Variants in RPS6KL1 observed in about 807,000 individuals in gnomAD.
RPS6KL1 encodes the protein ribosomal protein S6 kinase-like 1.
In RPS6KL1, 41 loss-of-function variants were observed where a neutral mutation model predicts 57.0. The observed-to-expected ratio is 0.72, with a 90% CI of 0.56 to 0.93. The LOEUF (loss-of-function observed/expected upper bound fraction) is 0.93, where lower values mean the gene tolerates loss of function less well. RPS6KL1 is among the 40% of genes least tolerant of loss of function. The pLI is 0.00. For synonymous variants in RPS6KL1, 287 were observed against 309.7 expected, an observed-to-expected ratio of 0.93 and a Z score of 0.77; for missense variants, 697 against 727.7, an observed-to-expected ratio of 0.96 and a Z score of 0.49.
At chr14:74,916,943 C>T (rs769881436) in intron 5 of RPS6KL1, among the ~76,000 whole-genome samples, 4 of 152,320 alleles carry the variant, frequency 2.6e-5, no homozygotes, top group South Asian at 4.1e-4. Flanking sequence ...GGGATCGTAC[C>T]GGGAGGCACG....
Position 74,905,766 on chromosome 14 carries a change from C to T in RPS6KL1, c.*1248G>A, listed in dbSNP as rs959355266. The T allele has an allele frequency of 3.9e-5, 6 of 152,272 alleles. No homozygotes were observed. The highest frequency in any genetic ancestry group is 1.9e-4 in the East Asian group (1 of 5,200). 9.4% of individuals were successfully genotyped at this position (152,272 alleles called of 1,614,324 possible). A position where few individuals can be genotyped will look rare whatever the true frequency, so the allele number is the denominator to read the frequency against. ...CTCTGTCTCAGTCTCCTGAAGAGCC[C>T]GAGGAAGTCAAGTCTCCCCACCATG... On this transcript the variant is annotated 3_prime_UTR_variant, in exon 12 of 12. Transcript: ENST00000557413.
rs60425478 is a variant in RPS6KL1 at position 74,919,827 on chromosome 14, T to TG, written c.390+17dup. 0.04 allele frequency: 59,829 copies of TG among 1,512,148 alleles called. 139 individuals carry two copies. Among genetic ancestry groups the TG allele is most frequent in the South Asian group, 0.063 (5,417 of 86,154 alleles). 93.7% of individuals were successfully genotyped at this position (1,512,148 alleles called of 1,614,324 possible). A position where few individuals can be genotyped will look rare whatever the true frequency, so the allele number is the denominator to read the frequency against. On this transcript the variant is annotated intron_variant, in intron 4 of 11. Coordinates refer to ENST00000557413, the MANE Select transcript of RPS6KL1 (RefSeq NM_031464.5). ...CCCTCCTCCCGCTCAGGCCTTTGGGTGGGGGGGGTCTCCTCACCGCGCTGG... is the reference window on the plus strand; with the variant it reads ...CCCTCCTCCCGCTCAGGCCTTTGGGTGGGGGGGGGTCTCCTCACCGCGCTGG...
chr14:74,919,980 C>A lies in RPS6KL1; in HGVS notation c.266-11G>T. ...CCTTGTTGGGGTCAACTGTGGGAGACAAGAGTCACCAGGGTCCCCAGCCAT... is the reference window on the plus strand; with the variant it reads ...CCTTGTTGGGGTCAACTGTGGGAGAAAAGAGTCACCAGGGTCCCCAGCCAT... On this transcript the variant is annotated splice_polypyrimidine_tract_variant and intron_variant, in intron 3 of 11. Transcript: ENST00000557413. The A allele has an allele frequency of 1.2e-6, 2 of 1,614,054 alleles. No individual in the cohort carries two copies. The highest frequency in any genetic ancestry group is 1.7e-6 in the Non-Finnish European group (2 of 1,179,984).
intron 3 of RPS6KL1, among the ~76,000 whole-genome samples, chr14:74,920,993 G>T (rs1386461057): frequency 6.6e-6 from 1 of 152,208 alleles, no homozygotes; most frequent in Non-Finnish European, 1.5e-5. Context: ...GTAAAAAATG[G>T]TTCCTGTGTG....
chr14:74,921,258 G>GCCCCCCCC lies in RPS6KL1; in HGVS notation c.265+18_265+19insGGGGGGGG. 1 of 766,362 alleles carries GCCCCCCCC rather than the reference G, an allele frequency of 1.3e-6. No individual in the cohort carries two copies. Among genetic ancestry groups the GCCCCCCCC allele is most frequent in the Non-Finnish European group, 2.2e-6 (1 of 460,312 alleles). The allele number at this position is 766,362 out of a possible 1,614,324, so 47.5% of individuals were successfully genotyped here. ...GCCCTTCCCCACCCACCCCAGCCCT[G>GCCCCCCCC]CCCAGCCCCGGTCCTCACCGTGTAT... On this transcript the variant is annotated intron_variant, in intron 3 of 11. Transcript: ENST00000557413.
intron 10 of RPS6KL1, among the ~76,000 whole-genome samples, chr14:74,908,641 A>T (rs2286911): frequency 0.18 from 27,829 of 151,818 alleles, 2,788 homozygotes; most frequent in South Asian, 0.3. Context: ...TGACCATCCC[A>T]CTCTACTCGT....
At chr14:74,912,264 T>C (rs1886133398) in intron 5 of RPS6KL1, among the ~76,000 whole-genome samples, 1 of 152,182 alleles carries the variant, frequency 6.6e-6, no homozygotes, top group Non-Finnish European at 1.5e-5. Context: ...GCTCACTGTG[T>C]GCGTGGTGGG....
In RPS6KL1 at chr14:74,919,910, G is replaced by A. The variant is rs768415312; in HGVS notation, c.325C>T (p.Arg109Trp). 5.6e-6 allele frequency: 9 copies of A among 1,613,960 alleles called. No homozygotes were observed. The highest frequency in any genetic ancestry group is 4.4e-5 in the South Asian group (4 of 91,082). Residue 109 changes from arginine (R) to tryptophan (W), a missense_variant, in exon 4 of 12, where the codon CGG (arginine) becomes TGG (tryptophan). Coordinates refer to ENST00000557413, the MANE Select transcript of RPS6KL1 (RefSeq NM_031464.5). Reference protein sequence around the residue: ...VKLKITKYLRRAEEIFNCHLQ... With the variant: ...VKLKITKYLRWAEEIFNCHLQ... The stretch of plus-strand genomic sequence containing the variant: ...TGGCAGTTGAAGATCTCCTCTGCCC[G>A]CCGCAGGTATTTGGTAATTTTCAGC...
rs561069480 is a variant in RPS6KL1, at chr14:74,920,872, G to C, written c.265+405C>G. Among the ~76,000 whole-genome samples the C allele has an allele frequency of 3.3e-5, 5 of 152,282 alleles. No individual in the cohort carries two copies. The South Asian group carries it at 8.3e-4, about 25-fold the overall frequency. On this transcript the variant is annotated intron_variant, in intron 3 of 11. Coordinates refer to ENST00000557413, the MANE Select transcript of RPS6KL1 (RefSeq NM_031464.5). Reference sequence around the variant, plus strand: ...GGAACAGTCAGGTGTAGTGGGCCAAGTACACAGCCTGTGAAGTGAAACCCC... The same window carrying C: ...GGAACAGTCAGGTGTAGTGGGCCAACTACACAGCCTGTGAAGTGAAACCCC...
Position 74,921,350 on chromosome 14 carries a change from A to G in RPS6KL1, c.192T>C (p.Asp64=), listed in dbSNP as rs780621898. The change falls in exon 3 of 12, where the codon GAT becomes GAC. Residue 64 remains aspartate (D), a synonymous_variant. Transcript: ENST00000557413. ...ATQIRLALER[D]VSEDYEAAFN... is the part of the protein sequence containing the mutation. ...AGGCCGCCTCATAGTCCTCACTAACATCGCGCTCCAGGGCCAGCCGGATCT... is the reference window on the plus strand; with the variant it reads ...AGGCCGCCTCATAGTCCTCACTAACGTCGCGCTCCAGGGCCAGCCGGATCT... 1.9e-5 allele frequency: 31 copies of G among 1,614,080 alleles called. No individual in the cohort carries two copies. The highest frequency in any genetic ancestry group is 2.1e-5 in the Non-Finnish European group (25 of 1,180,038).
intron 8 of RPS6KL1, 67 bp downstream of exon 8, chr14:74,909,476 G>C: frequency 1.3e-6 from 2 of 1,518,692 alleles, no homozygotes; most frequent in Non-Finnish European, 1.8e-6. Context: ...CTCGACTTTG[G>C]GGATCTCTCG....
rs766397173 is a variant in RPS6KL1, at chr14:74,907,127, G to A, written c.1540-3C>T. Reference sequence around the variant, plus strand: ...CGGGTAGGCTCGAACTGCAGCAGCTGCAGAGAGAGGCCCAGTCAGCTGGGC... The same window carrying A: ...CGGGTAGGCTCGAACTGCAGCAGCTACAGAGAGAGGCCCAGTCAGCTGGGC... On this transcript the variant is annotated splice_region_variant and splice_polypyrimidine_tract_variant and intron_variant, in intron 11 of 11. Coordinates refer to ENST00000557413, the MANE Select transcript of RPS6KL1 (RefSeq NM_031464.5). 4.4e-6 allele frequency: 7 copies of A among 1,604,892 alleles called. No homozygotes were observed. The African/African-American group carries it at 9.4e-5, about 21-fold the overall frequency.
Position 74,921,272 on chromosome 14 carries a change from C to G in RPS6KL1, c.265+5G>C, listed in dbSNP as rs1461275334. 2 of 1,587,396 alleles carry G rather than the reference C, an allele frequency of 1.3e-6. No homozygotes were observed. Among genetic ancestry groups the G allele is most frequent in the Non-Finnish European group, 1.7e-6 (2 of 1,155,796 alleles). On this transcript the variant is annotated splice_donor_5th_base_variant and intron_variant, in intron 3 of 11. Transcript: ENST00000557413. ...ACCCCAGCCCTGCCCAGCCCCGGTC[C>G]TCACCGTGTATGCCACGGAGCAGCA...
intron 3 of RPS6KL1, 46 bp from the exon 4 acceptor site, chr14:74,920,015 G>A (rs1566836564): frequency 1.2e-6 from 2 of 1,612,412 alleles, no homozygotes; most frequent in Non-Finnish European, 8.5e-7. Context: ...TGGCCTCGGA[G>A]GGCTGGAGTT....
At chr14:74,916,690 A>C (rs1886904301) in intron 5 of RPS6KL1, among the ~76,000 whole-genome samples, 1 of 152,072 alleles carries the variant, frequency 6.6e-6, no homozygotes, top group Non-Finnish European at 1.5e-5. Flanking sequence ...CAAGAAAAAA[A>C]AAAAATGGTT....
At position 74,904,770 on chromosome 14, in the gene RPS6KL1, T is replaced by TA. The variant is rs1301810030; in HGVS notation, c.*2243dup. 4 of 152,188 alleles carry TA rather than the reference T, an allele frequency of 2.6e-5. No homozygotes were observed. Among genetic ancestry groups the TA allele is most frequent in the Non-Finnish European group, 5.9e-5 (4 of 68,032 alleles). The allele number at this position is 152,188 out of a possible 1,614,324, so 9.4% of individuals were successfully genotyped here. A position where few individuals can be genotyped will look rare whatever the true frequency, so the allele number is the denominator to read the frequency against. ...TGTGGACCAAGATGCTCAAGGTCAA[T>TA]ACACATGAACAGGTGAGGGTTGATG... On this transcript the variant is annotated 3_prime_UTR_variant, in exon 12 of 12. Transcript: ENST00000557413.
Position 74,910,114 on chromosome 14 carries a change from C to G in RPS6KL1, c.699G>C (p.Ala233=). Residue 233 remains alanine, a synonymous_variant, in exon 8 of 12, where the codon GCG becomes GCC. Transcript: ENST00000557413. ...AGCTGAGCCCAGAATGTCGGGAGTG[C>G]GCCTGGGAGAGCAGGTGGGACCAGA... is the stretch of plus-strand genomic sequence containing the variant. ...GTLWSHLLSQ[A]HSRHSGLSSG... is the part of the protein sequence containing the mutation. The G allele has an allele frequency of 6.4e-7, 1 of 1,570,770 alleles. No individual in the cohort carries two copies. The highest frequency in any genetic ancestry group is 8.6e-7 in the Non-Finnish European group (1 of 1,160,110).
At chr14:74,909,444 A>G (rs1170821667) in intron 8 of RPS6KL1, 99 bp downstream of exon 8, 3 of 1,444,874 alleles carry the variant, frequency 2.1e-6, no homozygotes, top group East Asian at 4.7e-5. Context: ...GCCAGGGAGG[A>G]GCAGACAACC....
In RPS6KL1 at chr14:74,909,193, C is replaced by A. The variant is rs946057438; in HGVS notation, c.1271-3G>T. On this transcript the variant is annotated splice_region_variant and splice_polypyrimidine_tract_variant and intron_variant, in intron 8 of 11. Transcript: ENST00000557413. ...AAAATATGTGAGCCGGATGTGACCT[C>A]CAGTGTGTGGGAGGAAAAAGGAGGG... The A allele has an allele frequency of 6.2e-7, 1 of 1,613,938 alleles. No individual in the cohort carries two copies. Among genetic ancestry groups the A allele is most frequent in the East Asian group, 2.2e-5 (1 of 44,882 alleles).
Sources: gnomAD v4.1 joint callset for allele counts (sites outside exome capture counted in the v4.1 genomes callset) on GRCh38, gnomAD v4.1.1 for gene constraint, MANE v1.5 for transcripts, NCBI Gene and HGNC (gene_info 2026-07-23, HGNC 2026-07-21) for gene names.